The following USP28 variants were observed in gnomAD, a reference collection of about 807,000 sequenced individuals.
USP28 encodes ubiquitin carboxyl-terminal hydrolase 28.
A neutral mutation model predicts 145.0 loss-of-function variants in USP28; 113 were observed. The ratio of observed to expected loss-of-function variants is 0.78; its 90% confidence interval spans 0.67 to 0.91. The LOEUF is 0.91. Ranked by LOEUF, USP28 falls within the 40% of genes least tolerant of loss-of-function variation. The pLI is 0.00. For missense variants in USP28, 1,201 were observed against 1,289.6 expected, an observed-to-expected ratio of 0.93 and a Z score of 1.05; for synonymous variants, 447 against 450.9, an observed-to-expected ratio of 0.99 and a Z score of 0.11.
chr11:113,858,960 T>A (rs888933681), intron 1 of USP28, among the ~76,000 whole-genome samples: 3 of 152,220 alleles, frequency 2.0e-5, no homozygotes, highest in Non-Finnish European at 2.9e-5. Context: ...AAAGGAAGAA[T>A]CATGCAGTAC....
At chr11:113,825,973 T>C (rs1943238970) in intron 11 of USP28, among the ~76,000 whole-genome samples, 2 of 152,092 alleles carry the variant, frequency 1.3e-5, no homozygotes, top group Admixed American at 6.5e-5. Flanking sequence ...AAATAAACCA[T>C]GGGATAAGAA....
At chr11:113,840,384 C>T (rs1322897916) in intron 5 of USP28, among the ~76,000 whole-genome samples, 2 of 152,200 alleles carry the variant, frequency 1.3e-5, no homozygotes, top group Non-Finnish European at 2.9e-5. Context: ...ATCCAAAACA[C>T]CTATTCAATA....
At chr11:113,817,623 AATAC>A (rs1941932909) in intron 13 of USP28, 31 bp downstream of exon 13, 8 of 1,603,308 alleles carry the variant, frequency 5.0e-6, no homozygotes, top group Non-Finnish European at 6.8e-6. Flanking sequence ...CCAGAAAAAC[AATAC>A]ATACCATTAA....
intron 12 of USP28, 42 bp downstream of exon 12, chr11:113,823,563 T>C (rs771496348): frequency 7.4e-7 from 1 of 1,352,312 alleles, no homozygotes; most frequent in South Asian, 1.3e-5. Flanking sequence ...CTGTTTTTAA[T>C]ATTCTTTTAC....
chr11:113,829,854 A>G (rs1943794353), intron 9 of USP28, among the ~76,000 whole-genome samples: 1 of 151,380 alleles, frequency 6.6e-6, no homozygotes, highest in African/African-American at 2.4e-5. Flanking sequence ...AAATGCAAAG[A>G]CAACCAGACA....
intron 12 of USP28, among the ~76,000 whole-genome samples, chr11:113,819,629 T>C (rs183303152): frequency 1.1e-3 from 172 of 152,348 alleles, no homozygotes; most frequent in African/African-American, 3.7e-3. Context: ...CTGAAATTTA[T>C]AATCATTTTA....
At chr11:113,874,780 A>C (rs1344486483) in intron 1 of USP28, 2 of 1,148,794 alleles carry the variant, frequency 1.7e-6, no homozygotes, top group Non-Finnish European at 2.2e-6. Context: ...TTAGATCAGA[A>C]GTCCTTATAT....
At chr11:113,864,321 C>T (rs182581777) in intron 1 of USP28, among the ~76,000 whole-genome samples, 81 of 152,284 alleles carry the variant, frequency 5.3e-4, no homozygotes, top group African/African-American at 1.8e-3. Context: ...AACTGGAAAA[C>T]TGTACTAGTC....
At chr11:113,851,876 T>C (rs1946493825) in intron 3 of USP28, among the ~76,000 whole-genome samples, 2 of 152,118 alleles carry the variant, frequency 1.3e-5, no homozygotes, top group South Asian at 4.2e-4. Flanking sequence ...CTCCATGGTA[T>C]TTATCACATT....
chr11:113,799,067 TA>T, exon 25 of USP28: 1 of 694,146 alleles, frequency 1.4e-6, no homozygotes, highest in African/African-American at 1.8e-5. Context: ...ATTTTGTACC[TA>T]AAAAGTGCAA....
At chr11:113,858,022 C>T (rs944262326) in intron 1 of USP28, among the ~76,000 whole-genome samples, 3 of 152,222 alleles carry the variant, frequency 2.0e-5, no homozygotes, top group Non-Finnish European at 2.9e-5. Flanking sequence ...CCCACCACCA[C>T]GCCCAGCTAG....
At chr11:113,824,746 C>T (rs7951042) in intron 11 of USP28, among the ~76,000 whole-genome samples, 7 of 151,338 alleles carry the variant, frequency 4.6e-5, no homozygotes, top group African/African-American at 1.2e-4. Flanking sequence ...GCCTGACCAA[C>T]GTGGGAGAAA....
chr11:113,874,461 C>A lies in USP28; in HGVS notation c.57+984G>T, dbSNP rs564741196. 174 of 627,796 alleles carry A rather than the reference C, an allele frequency of 2.8e-4. No homozygotes were observed. In the African/African-American group the frequency reaches 3.3e-3, roughly 12 times the overall value. The allele number at this position is 627,796 out of a possible 1,614,324, so 38.9% of individuals were successfully genotyped here. A position where few individuals can be genotyped will look rare whatever the true frequency, so the allele number is the denominator to read the frequency against. ...AAAAAAAAAAAAAAGTGTCTCCATG[C>A]TAAATACTACTGGCCTTCCAGACAA... is the stretch of plus-strand genomic sequence containing the variant. On this transcript the variant is annotated intron_variant, in intron 1 of 24. Transcript: ENST00000003302.
chr11:113,852,687 C>A, intron 2 of USP28, 54 bp from the exon 3 acceptor site: 1 of 1,596,082 alleles, frequency 6.3e-7, no homozygotes, highest in East Asian at 2.2e-5. Context: ...AATTTAAAAC[C>A]AGTTTTGAGT....
chr11:113,829,088 G>T, intron 10 of USP28, 109 bp downstream of exon 10: 1 of 1,444,418 alleles, frequency 6.9e-7, no homozygotes, highest in Non-Finnish European at 9.5e-7. Flanking sequence ...TTCAAGTTCT[G>T]CTAAGTGTAA....
At chr11:113,839,155 T>C (rs1055669391) in intron 5 of USP28, among the ~76,000 whole-genome samples, 3 of 152,222 alleles carry the variant, frequency 2.0e-5, no homozygotes, top group African/African-American at 7.2e-5. Context: ...GGTATCTCCT[T>C]AAACTCAACT....
chr11:113,833,552 C>A, exon 7 of USP28: 1 of 1,613,274 alleles, frequency 6.2e-7, no homozygotes, highest in Non-Finnish European at 8.5e-7. Flanking sequence ...TGATATTTCT[C>A]TTTTCCTGTA....
intron 1 of USP28, 31 bp from the exon 2 acceptor site, chr11:113,854,366 A>T (rs1255206918): frequency 6.3e-7 from 1 of 1,589,400 alleles, no homozygotes; most frequent in Non-Finnish European, 8.6e-7. Context: ...AACCACAAAC[A>T]TGTCAGTCAG....
chr11:113,829,217 A>T, exon 10 of USP28: 1 of 1,614,090 alleles, frequency 6.2e-7, no homozygotes, highest in Non-Finnish European at 8.5e-7. Flanking sequence ...TACTTCACCG[A>T]GTGATCGGAG....
Sources: allele counts gnomAD v4.1 joint callset (sites outside exome capture counted in the v4.1 genomes callset), GRCh38; gene constraint gnomAD v4.1.1; transcripts MANE v1.5; gene names NCBI Gene and HGNC (gene_info 2026-07-23, HGNC 2026-07-21).